HPS1: variants seen among roughly 807,000 people sequenced by gnomAD.
HPS1 encodes the protein HPS1 biogenesis of lysosomal organelles complex 3 subunit 1, also known as BLOC-3 complex member HPS1.
In HPS1, 59 loss-of-function variants were observed where a neutral mutation model predicts 90.6. The observed-to-expected ratio is 0.65, with a 90% CI of 0.53 to 0.81. HPS1 has a LOEUF of 0.81. HPS1 is among the 30% of genes least tolerant of loss of function. HPS1 has a pLI of 0.00. For synonymous variants in HPS1, 388 were observed against 384.4 expected, an observed-to-expected ratio of 1.01 and a Z score of -0.11; for missense variants, 849 against 896.7, an observed-to-expected ratio of 0.95 and a Z score of 0.68.
intron 13 of HPS1, among the ~76,000 whole-genome samples, chr10:98,425,179 A>G (rs1422442289): frequency 2.6e-5 from 4 of 152,210 alleles, no homozygotes; most frequent in Non-Finnish European, 4.4e-5. Context: ...GCAGAGAGGA[A>G]GCCCGTGACG....
chr10:98,441,364 C>T (rs1188195335), intron 3 of HPS1, among the ~76,000 whole-genome samples: 1 of 152,100 alleles, frequency 6.6e-6, no homozygotes, highest in Non-Finnish European at 1.5e-5. Context: ...ATAGCTCATA[C>T]CACACACAAA....
chr10:98,427,137 C>A (rs994088348), intron 11 of HPS1, 78 bp downstream of exon 11: 1 of 1,277,028 alleles, frequency 7.8e-7, no homozygotes, highest in Admixed American at 2.0e-5. Flanking sequence ...ACCCTGGAGG[C>A]GAAACCCTCA....
intron 6 of HPS1, among the ~76,000 whole-genome samples, chr10:98,431,724 C>A (rs537074529): frequency 1.3e-5 from 2 of 152,020 alleles, no homozygotes; most frequent in African/African-American, 4.8e-5. Flanking sequence ...TATTCAGAGG[C>A]CATGAGATGG....
intron 3 of HPS1, 76 bp downstream of exon 3, chr10:98,443,048 T>C: frequency 9.4e-7 from 1 of 1,059,280 alleles, no homozygotes; most frequent in Admixed American, 1.7e-5. Flanking sequence ...CAGGTTTTCC[T>C]GCCTCTCTGC....
intron 1 of HPS1, among the ~76,000 whole-genome samples, chr10:98,446,102 G>A (rs1449981085): frequency 2.6e-5 from 4 of 151,758 alleles, no homozygotes; most frequent in Non-Finnish European, 5.9e-5. Flanking sequence ...ATAGAGGGCA[G>A]GAACAACAGA....
intron 11 of HPS1, among the ~76,000 whole-genome samples, chr10:98,426,774 GTGTGTA>G (rs1341240659): frequency 6.9e-6 from 1 of 145,606 alleles, no homozygotes; most frequent in Admixed American, 7.1e-5. Context: ...GTGTGTGTGT[GTGTGTA>G]AAGTCATAGG....
intron 6 of HPS1, among the ~76,000 whole-genome samples, chr10:98,433,102 C>T (rs4919227): frequency 0.031 from 4,724 of 152,010 alleles, 158 homozygotes; most frequent in East Asian, 0.16. Context: ...CGTGGTGGCA[C>T]GTGCCTGTAA....
At chr10:98,418,317 C>A in intron 18 of HPS1, 60 bp from the exon 19 acceptor site, 1 of 952,032 alleles carries the variant, frequency 1.1e-6, no homozygotes, top group Admixed American at 2.0e-5. Flanking sequence ...CTGAGTCAGA[C>A]GCACCGGGCT....
chr10:98,433,824 ACCCT>A, intron 6 of HPS1, 155 bp downstream of exon 6: 1 of 1,037,278 alleles, frequency 9.6e-7, no homozygotes, highest in Non-Finnish European at 1.4e-6. Flanking sequence ...AGGGTACCCA[ACCCT>A]CCATATGGCC....
chr10:98,429,310 G>T (rs528258358), intron 10 of HPS1: 28 of 1,399,784 alleles, frequency 2.0e-5, no homozygotes, highest in Non-Finnish European at 2.5e-5. Flanking sequence ...GTCTGAGAAT[G>T]CATGTACAGA....
In HPS1 at chr10:98,425,827, G is replaced by A; in HGVS notation, c.1146C>T (p.Leu382=). 2 of 1,613,834 alleles carry A rather than the reference G, an allele frequency of 1.2e-6. No individual in the cohort carries two copies. Among genetic ancestry groups the A allele is most frequent in the Non-Finnish European group, 1.7e-6 (2 of 1,179,862 alleles). The change falls in exon 12 of 20, where the codon CTC becomes CTT. Residue 382 remains leucine (L), a synonymous_variant. Coordinates refer to ENST00000361490, the MANE Select transcript of HPS1 (RefSeq NM_000195.5). ...TGAGGGGCTCTCCTACCCTGGTCAGGAGCACCAGGTTGATGCCCTGCCACA... is the reference window on the plus strand; with the variant it reads ...TGAGGGGCTCTCCTACCCTGGTCAGAAGCACCAGGTTGATGCCCTGCCACA... ...LPLWQGINLV[L]LTRSPSAPLA... is the part of the protein sequence containing the mutation.
In HPS1 at chr10:98,435,647, ATACAGGAAGT is replaced by A. The variant is rs773323079; in HGVS notation, c.233_242del (p.Asn78MetfsTer43). 2 of 1,614,216 alleles carry A rather than the reference ATACAGGAAGT, an allele frequency of 1.2e-6. No homozygotes were observed. Among genetic ancestry groups the A allele is most frequent in the Non-Finnish European group, 8.5e-7 (1 of 1,180,034 alleles). ...GCTATAGACTCACCAGGTGAAGGACATACAGGAAGTTGCCATTTTCCGTGGAGAAGCAGGT... is the reference window on the plus strand; with the variant it reads ...GCTATAGACTCACCAGGTGAAGGACATGCCATTTTCCGTGGAGAAGCAGGT... On this transcript the variant is annotated frameshift_variant, in exon 4 of 20. Transcript: ENST00000361490. LOFTEE classifies it high-confidence loss of function. The surrounding 1 kb of genome is among the most constrained non-coding windows in gnomAD (Gnocchi z 4.3).
intron 17 of HPS1, among the ~76,000 whole-genome samples, chr10:98,421,715 C>T (rs979680478): frequency 3.9e-5 from 6 of 152,190 alleles, no homozygotes; most frequent in African/African-American, 9.7e-5. Context: ...TTTTGTGCTA[C>T]GTGCTATGCT....
chr10:98,422,443 G>A lies in HPS1; in HGVS notation c.1669C>T (p.Pro557Ser). 1.2e-6 allele frequency: 2 copies of A among 1,614,168 alleles called. No homozygotes were observed. Among genetic ancestry groups the A allele is most frequent in the Non-Finnish European group, 8.5e-7 (1 of 1,180,004 alleles). Residue 557 changes from proline to serine, a missense_variant, in exon 17 of 20, where the codon CCT becomes TCT. Pro to Ser is a moderately conservative substitution (Grantham distance 74). Transcript: ENST00000361490. ...GTCTTTTGACTGCAGTTGAGGGAAG[G>A]CGCCACCATCTGCCCAGTGGTGCGG... is the stretch of plus-strand genomic sequence containing the variant. ...VDRTTGQMVA[P>S]SLNCSQKTSS... is the part of the protein sequence containing the mutation.
intron 16 of HPS1, 63 bp downstream of exon 16, chr10:98,423,540 A>G (rs1591039025): frequency 6.9e-7 from 1 of 1,445,756 alleles, no homozygotes. Context: ...TCCAGGGAGC[A>G]GGTGTAGAGG....
At chr10:98,422,661 C>A in intron 16 of HPS1, 148 bp from the exon 17 acceptor site, 1 of 803,888 alleles carries the variant, frequency 1.2e-6, no homozygotes, top group Non-Finnish European at 2.1e-6. Flanking sequence ...CCCCCTGTAT[C>A]CTTGCTTCCT....
chr10:98,435,859 G>C lies in HPS1; in HGVS notation c.118-87C>G. The C allele has an allele frequency of 1.3e-6, 2 of 1,561,240 alleles. No homozygotes were observed. Among genetic ancestry groups the C allele is most frequent in the Non-Finnish European group, 1.8e-6 (2 of 1,135,636 alleles). On this transcript the variant is annotated intron_variant, in intron 3 of 19. Coordinates refer to ENST00000361490, the MANE Select transcript of HPS1 (RefSeq NM_000195.5). This position sits in a 1 kb window ranked among gnomAD's most constrained non-coding sequence, Gnocchi z 4.3. The stretch of plus-strand genomic sequence containing the variant: ...GGACAAGATCAGGCCTTGATATCAA[G>C]GGTTCCATAGTGTTAGACCCTCCTG...
chr10:98,427,856 TATA>T (rs1845820331), intron 10 of HPS1, among the ~76,000 whole-genome samples: 1 of 152,240 alleles, frequency 6.6e-6, no homozygotes, highest in Admixed American at 6.5e-5. Flanking sequence ...AACCCTCATT[TATA>T]ATCATGTTTC....
In HPS1 at chr10:98,424,370, G is replaced by A; in HGVS notation, c.1340C>T (p.Thr447Ile). 6.2e-7 allele frequency: 1 copy of A among 1,612,380 alleles called. No individual in the cohort carries two copies. Among genetic ancestry groups the A allele is most frequent in the Non-Finnish European group, 8.5e-7 (1 of 1,179,264 alleles). ...KNRGAQEIQS[T>I]WLEFKAKAFS... The stretch of plus-strand genomic sequence containing the variant: ...AGCCTTGGCCTTAAACTCCAGCCAG[G>A]TGCTCTGGAAGGAAGACAGGGGGCA... Residue 447 changes from threonine (T) to isoleucine (I), a missense_variant, in exon 14 of 20, where the codon ACC (threonine) becomes ATC (isoleucine). Physicochemically the swap from Thr to Ile is moderately conservative, Grantham distance 89 (BLOSUM62 -1). Coordinates refer to ENST00000361490, the MANE Select transcript of HPS1 (RefSeq NM_000195.5).
Sources: allele counts gnomAD v4.1 joint callset (sites outside exome capture counted in the v4.1 genomes callset), GRCh38; gene constraint gnomAD v4.1.1; non-coding constraint Gnocchi (gnomAD v3.1); transcripts MANE v1.5; gene names NCBI Gene and HGNC (gene_info 2026-07-23, HGNC 2026-07-21).